The following ITM2C variants were observed in gnomAD, a reference collection of about 807,000 sequenced individuals.
The protein encoded by ITM2C is BRICHOS domain containing 2C.
A neutral mutation model predicts 30.0 loss-of-function variants in ITM2C; 20 were observed. The ratio of observed to expected loss-of-function variants is 0.67; its 90% CI spans 0.47 to 0.97. ITM2C has a LOEUF of 0.97. ITM2C is among the 50% of genes least tolerant of loss of function. ITM2C has a pLI of 0.00. For missense variants in ITM2C, 366 were observed against 371.9 expected, an observed-to-expected ratio of 0.98 and a Z score of 0.13; for synonymous variants, 167 against 156.4, an observed-to-expected ratio of 1.07 and a Z score of -0.51.
rs1373215486 is a variant in ITM2C at position 230,878,199 on chromosome 2, G to A, written c.*100G>A. The A allele has an allele frequency of 1.4e-5, 11 of 799,586 alleles. No homozygotes were observed. The highest frequency in any genetic ancestry group is 5.6e-5 in the South Asian group (3 of 54,014). 49.5% of individuals were successfully genotyped at this position (799,586 alleles called of 1,614,324 possible). On this transcript the variant is annotated 3_prime_UTR_variant, in exon 6 of 6. Coordinates refer to ENST00000326427, the MANE Select transcript of ITM2C (RefSeq NM_030926.6). The surrounding 1 kb of genome is among the most constrained non-coding windows in gnomAD (Gnocchi z 4.5). ...CCCCTGCTTAGCTTGTACTTTGGAC[G>A]CGTTTCTATAGAGGTGACATGTCTC...
At chr2:230,875,295 C>T (rs1485505986) in intron 2 of ITM2C, among the ~76,000 whole-genome samples, 1 of 152,190 alleles carries the variant, frequency 6.6e-6, no homozygotes, top group Non-Finnish European at 1.5e-5. Context: ...TAGGGATCAT[C>T]ATGCTTTACT....
chr2:230,875,554 G>A, intron 2 of ITM2C, 66 bp from the exon 3 acceptor site: 1 of 1,404,220 alleles, frequency 7.1e-7, no homozygotes, highest in African/African-American at 1.4e-5. Context: ...AGGCAAGAGG[G>A]GGCCTTACGG....
intron 1 of ITM2C, among the ~76,000 whole-genome samples, chr2:230,869,913 T>C (rs1412390562): frequency 6.6e-6 from 1 of 152,216 alleles, no homozygotes; most frequent in Non-Finnish European, 1.5e-5. Context: ...GGAAACAATA[T>C]GCAATATTTT....
chr2:230,866,249 G>A (rs1194258901), intron 1 of ITM2C, among the ~76,000 whole-genome samples: 1 of 152,222 alleles, frequency 6.6e-6, no homozygotes, highest in Non-Finnish European at 1.5e-5. Context: ...CATTGAGGCA[G>A]GACTGAGAAA....
rs1287810150 is a variant in ITM2C at position 230,875,678 on chromosome 2, A to G, written c.320A>G (p.Gln107Arg). ...CTGTATGAGGACTCCCTGTCCTCCC[A>G]GGTCCGGACTCAGATGGAGCTGGAA... ...GVLYEDSLSS[Q>R]VRTQMELEED... Residue 107 changes from glutamine to arginine, a missense_variant, in exon 3 of 6, where the codon CAG (glutamine) becomes CGG (arginine). By Grantham distance (43) the Gln-to-Arg change is conservative. Coordinates refer to ENST00000326427, the MANE Select transcript of ITM2C (RefSeq NM_030926.6). The G allele has an allele frequency of 1.9e-6, 3 of 1,613,128 alleles. No homozygotes were observed. In the Admixed American group the frequency reaches 5.0e-5, roughly 27 times the overall value.
rs1397091734 is a variant in ITM2C, at chr2:230,878,459, TG to T, written c.*364del. 1 of 172,248 alleles carries T rather than the reference TG, an allele frequency of 5.8e-6. No individual in the cohort carries two copies. Among genetic ancestry groups the T allele is most frequent in the Non-Finnish European group, 1.2e-5 (1 of 81,562 alleles). The allele number at this position is 172,248 out of a possible 1,614,324, so 10.7% of individuals were successfully genotyped here. A position where few individuals can be genotyped will look rare whatever the true frequency, so the allele number is the denominator to read the frequency against. Reference sequence around the variant, plus strand: ...GCATGTGAGGCCCTGGGCAAGGGGATGGGGCTGTGGGGGCGGGGCGGCATGG... The same window carrying T: ...GCATGTGAGGCCCTGGGCAAGGGGATGGGCTGTGGGGGCGGGGCGGCATGG... On this transcript the variant is annotated 3_prime_UTR_variant, in exon 6 of 6. Coordinates refer to ENST00000326427, the MANE Select transcript of ITM2C (RefSeq NM_030926.6). The surrounding 1 kb of genome is among the most constrained non-coding windows in gnomAD (Gnocchi z 4.5).
chr2:230,870,598 C>T (rs1037301660), intron 1 of ITM2C, among the ~76,000 whole-genome samples: 7 of 152,202 alleles, frequency 4.6e-5, no homozygotes, highest in Non-Finnish European at 8.8e-5. Flanking sequence ...TTCTCTGCCA[C>T]ACCTGCCACT....
intron 1 of ITM2C, among the ~76,000 whole-genome samples, chr2:230,872,816 C>A (rs545689402): frequency 5.9e-5 from 9 of 152,166 alleles, no homozygotes; most frequent in Non-Finnish European, 1.2e-4. Flanking sequence ...TCAGTCACAG[C>A]CTCCTTGGTG....
chr2:230,870,393 C>G (rs1697135666), intron 1 of ITM2C, among the ~76,000 whole-genome samples: 1 of 152,276 alleles, frequency 6.6e-6, no homozygotes. Flanking sequence ...TTCTGCACTT[C>G]TGCTCATAAT....
chr2:230,875,446 T>G (rs1055790203), intron 2 of ITM2C, among the ~76,000 whole-genome samples, 174 bp from the exon 3 acceptor site: 3 of 152,178 alleles, frequency 2.0e-5, no homozygotes, highest in Non-Finnish European at 4.4e-5. Flanking sequence ...GACCCTGACC[T>G]GATGCCCCAC....
chr2:230,875,470 C>T, intron 2 of ITM2C, 150 bp from the exon 3 acceptor site: 3 of 627,662 alleles, frequency 4.8e-6, no homozygotes, highest in South Asian at 2.3e-5. Flanking sequence ...CTCAGTTTCT[C>T]CATCTGCGAA....
intron 1 of ITM2C, 187 bp from the exon 2 acceptor site, chr2:230,873,230 T>G (rs970356933): frequency 2.1e-6 from 1 of 485,676 alleles, no homozygotes; most frequent in South Asian, 5.4e-5. Context: ...TCTCGGTTTC[T>G]CTTTAGCCAG....
Position 230,877,388 on chromosome 2 carries a change from C to T in ITM2C, c.562-12C>T, listed in dbSNP as rs759362485. The T allele has an allele frequency of 6.2e-7, 1 of 1,612,512 alleles. No individual in the cohort carries two copies. The highest frequency in any genetic ancestry group is 1.1e-5 in the South Asian group (1 of 91,028). On this transcript the variant is annotated splice_polypyrimidine_tract_variant and intron_variant, in intron 4 of 5. Coordinates refer to ENST00000326427, the MANE Select transcript of ITM2C (RefSeq NM_030926.6). The surrounding 1 kb of genome is among the most constrained non-coding windows in gnomAD (Gnocchi z 4.8). ...GGGGCCGACTCACTGTGGCGGCCAC[C>T]TTGTTTTGCAGAGGGGGACCTACCT...
chr2:230,867,999 G>A (rs571309849), intron 1 of ITM2C, among the ~76,000 whole-genome samples: 13 of 43,470 alleles, frequency 3.0e-4, no homozygotes, highest in South Asian at 1.0e-3. Flanking sequence ...AGGAGCACTC[G>A]GTGAACAGAT....
intron 2 of ITM2C, among the ~76,000 whole-genome samples, chr2:230,875,021 G>A (rs1697255963): frequency 6.6e-6 from 1 of 152,100 alleles, no homozygotes; most frequent in African/African-American, 2.4e-5. Context: ...ACTCTTAACA[G>A]TGTTGCCTCC....
At chr2:230,869,841 CCTCTCTCGGGT>C (rs1697121067) in intron 1 of ITM2C, among the ~76,000 whole-genome samples, 1 of 151,894 alleles carries the variant, frequency 6.6e-6, no homozygotes, top group South Asian at 2.1e-4. Flanking sequence ...GAGGCCCAGG[CCTCTCTCGGGT>C]CCCTGGACTT....
chr2:230,873,037 C>T (rs1178728974), intron 1 of ITM2C, among the ~76,000 whole-genome samples: 2 of 152,078 alleles, frequency 1.3e-5, no homozygotes, highest in Non-Finnish European at 2.9e-5. Flanking sequence ...GAGGCCAGGT[C>T]GGCACATCCC....
Position 230,864,996 on chromosome 2 carries a change from T to TGCGGGGCGGACGC in ITM2C, c.-24_-12dup. The TGCGGGGCGGACGC allele has an allele frequency of 2.1e-6, 3 of 1,446,450 alleles. No individual in the cohort carries two copies. Among genetic ancestry groups the TGCGGGGCGGACGC allele is most frequent in the East Asian group, 5.6e-5 (2 of 35,560 alleles). The allele number at this position is 1,446,450 out of a possible 1,614,324, so 89.6% of individuals were successfully genotyped here. A position where few individuals can be genotyped will look rare whatever the true frequency, so the allele number is the denominator to read the frequency against. On this transcript the variant is annotated 5_prime_UTR_variant, in exon 1 of 6. Transcript: ENST00000326427. The surrounding 1 kb of genome is among the most constrained non-coding windows in gnomAD (Gnocchi z 4.3). ...AGACCGAGGCTGCACCGGCAGAGGCTGCGGGGCGGACGCGCGGGCCGGCGC... is the reference window on the plus strand; with the variant it reads ...AGACCGAGGCTGCACCGGCAGAGGCTGCGGGGCGGACGCGCGGGGCGGACGCGCGGGCCGGCGC...
intron 3 of ITM2C, among the ~76,000 whole-genome samples, chr2:230,876,132 C>G (rs1697290160): frequency 1.3e-5 from 2 of 152,140 alleles, no homozygotes; most frequent in African/African-American, 4.8e-5. Context: ...CAGAGTGGGT[C>G]TCATGCGTAT....
Sources: allele counts gnomAD v4.1 joint callset (sites outside exome capture counted in the v4.1 genomes callset), GRCh38; gene constraint gnomAD v4.1.1; non-coding constraint Gnocchi (gnomAD v3.1); transcripts MANE v1.5; gene names NCBI Gene and HGNC (gene_info 2026-07-23, HGNC 2026-07-21).